The following ULK2 variants were observed in gnomAD, a reference collection of about 807,000 sequenced individuals.
ULK2 encodes unc-51 like autophagy activating kinase 2, also known as serine/threonine-protein kinase ULK2.
Under a neutral mutation model 127.5 loss-of-function variants are expected in ULK2, and 76 were observed. That is an observed-to-expected ratio of 0.60 (90% CI 0.50 to 0.72). The LOEUF is 0.72. Among genes scored for constraint, ULK2 ranks in the 30% least tolerant of loss-of-function variants. ULK2 has a pLI of 0.00. For missense variants in ULK2, 1,144 were observed against 1,295.9 expected (o/e 0.88, Z 1.80); for synonymous variants, 452 against 461.9 (o/e 0.98, Z 0.28).
At chr17:19,848,644 G>T (rs1441118826) in intron 5 of ULK2, among the ~76,000 whole-genome samples, 1 of 152,062 alleles carries the variant, frequency 6.6e-6, no homozygotes, top group African/African-American at 2.4e-5. Context: ...GTGTGTGGAG[G>T]TATGCACCTG....
At chr17:19,820,202 C>T (rs919104607) in intron 12 of ULK2, among the ~76,000 whole-genome samples, 2 of 152,094 alleles carry the variant, frequency 1.3e-5, no homozygotes, top group African/African-American at 4.8e-5. Flanking sequence ...GCGCGCCCCA[C>T]CACGCCCAGC....
intron 13 of ULK2, among the ~76,000 whole-genome samples, chr17:19,814,776 G>C (rs954372347): frequency 2.6e-5 from 4 of 151,920 alleles, no homozygotes; most frequent in Non-Finnish European, 5.9e-5. Context: ...AAATTTCTGG[G>C]TACAAGCAAT....
chr17:19,846,052 G>C (rs1286065690), intron 6 of ULK2, among the ~76,000 whole-genome samples: 1 of 152,196 alleles, frequency 6.6e-6, no homozygotes, highest in African/African-American at 2.4e-5. Flanking sequence ...CTTGAACCTG[G>C]GAGGCAGAGG....
chr17:19,835,615 G>A (rs562964383), intron 10 of ULK2, among the ~76,000 whole-genome samples: 21 of 151,116 alleles, frequency 1.4e-4, no homozygotes, highest in African/African-American at 4.9e-4. Flanking sequence ...TACTCGGGAG[G>A]CTGAGGCAGG....
At chr17:19,816,624 C>A in intron 13 of ULK2, 125 bp downstream of exon 13, 1 of 833,108 alleles carries the variant, frequency 1.2e-6, no homozygotes, top group Non-Finnish European at 1.7e-6. Flanking sequence ...AGAATTCAAA[C>A]AACTAAATAA....
intron 17 of ULK2, 61 bp downstream of exon 17, chr17:19,799,434 A>G (rs1466021431): frequency 2.6e-5 from 35 of 1,340,564 alleles, no homozygotes; most frequent in Non-Finnish European, 3.5e-5. Flanking sequence ...CTAGAAAAAC[A>G]CAACTCAAAT....
Position 19,777,566 on chromosome 17 carries a change from T to C in ULK2, c.3052+15A>G. On this transcript the variant is annotated intron_variant, in intron 26 of 26. Coordinates refer to ENST00000395544, the MANE Select transcript of ULK2 (RefSeq NM_014683.4). ...AATGAAGTAAAAAAATACACTACTT[T>C]GTAAGTCAACTTACATTTATGCACA... 1 of 1,594,168 alleles carries C rather than the reference T, an allele frequency of 6.3e-7. No individual in the cohort carries two copies. Among genetic ancestry groups the C allele is most frequent in the East Asian group, 2.2e-5 (1 of 44,690 alleles).
At chr17:19,810,354 A>G (rs747804358) in intron 14 of ULK2, 24 bp downstream of exon 14, 2 of 1,500,012 alleles carry the variant, frequency 1.3e-6, no homozygotes, top group Non-Finnish European at 1.8e-6. Context: ...ACAAATTTTA[A>G]TAAGATAATG....
At chr17:19,867,292 C>A in intron 1 of ULK2, 36 bp downstream of exon 1, 1 of 1,504,148 alleles carries the variant, frequency 6.6e-7, no homozygotes, top group Non-Finnish European at 8.9e-7. Context: ...CCGTGCCTGC[C>A]GCCCGGGGCC....
chr17:19,781,439 G>A (rs1334930522), intron 23 of ULK2, among the ~76,000 whole-genome samples: 2 of 151,624 alleles, frequency 1.3e-5, no homozygotes, highest in African/African-American at 4.8e-5. Context: ...GTAGAGACAG[G>A]GATTCATCAT....
Position 19,863,710 on chromosome 17 carries a change from A to G in ULK2, c.225+1093T>C. 1.3e-5 allele frequency among the ~76,000 whole-genome samples: 2 copies of G among 152,006 alleles called. 1 individual carries two copies. Among genetic ancestry groups the G allele is most frequent in the Non-Finnish European group, 2.9e-5 (2 of 67,996 alleles). On this transcript the variant is annotated intron_variant, in intron 3 of 26. Coordinates refer to ENST00000395544, the MANE Select transcript of ULK2 (RefSeq NM_014683.4). The stretch of plus-strand genomic sequence containing the variant: ...TTTTTAACATAATATGGCCCTAAAT[A>G]TAAGCCAGCTACTTCATCTGGTGCT...
At chr17:19,828,194 A>C (rs907030090) in intron 10 of ULK2, among the ~76,000 whole-genome samples, 4 of 152,212 alleles carry the variant, frequency 2.6e-5, no homozygotes, top group Non-Finnish European at 5.9e-5. Context: ...AGAAATTAAG[A>C]TATCCCCAGA....
Position 19,795,627 on chromosome 17 carries a change from T to A in ULK2, c.2096A>T (p.Asp699Val). The change falls in exon 20 of 27, where the codon GAT becomes GTT. Residue 699 changes from aspartate (D) to valine (V), a missense_variant. Coordinates refer to ENST00000395544, the MANE Select transcript of ULK2 (RefSeq NM_014683.4). Reference protein sequence around the residue: ...TDSLNTERPMDIAPAGACGGV... With the variant: ...TDSLNTERPMVIAPAGACGGV... Reference sequence around the variant, plus strand: ...AGAAACTACATTTTTCTTACCTATATCCATTGGTCGTTCTGTATTTAAACT... The same window carrying A: ...AGAAACTACATTTTTCTTACCTATAACCATTGGTCGTTCTGTATTTAAACT... 6.2e-7 allele frequency: 1 copy of A among 1,613,466 alleles called. No individual in the cohort carries two copies. The highest frequency in any genetic ancestry group is 8.5e-7 in the Non-Finnish European group (1 of 1,179,398).
At chr17:19,854,601 A>G (rs1014701719) in intron 3 of ULK2, among the ~76,000 whole-genome samples, 4 of 152,140 alleles carry the variant, frequency 2.6e-5, no homozygotes, top group Admixed American at 6.6e-5. Flanking sequence ...CTGGAAAATA[A>G]GTTGAGTCCC....
At chr17:19,816,977 A>T in intron 12 of ULK2, 57 bp from the exon 13 acceptor site, 1 of 1,517,126 alleles carries the variant, frequency 6.6e-7, no homozygotes, top group Non-Finnish European at 8.8e-7. Flanking sequence ...AAGTCAGAAT[A>T]GTGACTAGAC....
intron 3 of ULK2, among the ~76,000 whole-genome samples, chr17:19,857,562 C>T (rs1409919421): frequency 1.3e-5 from 2 of 152,130 alleles, no homozygotes; most frequent in Non-Finnish European, 2.9e-5. Flanking sequence ...TGAGCACCAC[C>T]TATTAAATTA....
chr17:19,783,752 A>T lies in ULK2; in HGVS notation c.2405T>A (p.Leu802Gln). ...GGCTTCAAAGGTGATGAGCCCCTCT[A>T]GGCTGGGGGGTGAAGCACCGTAAGG... is the stretch of plus-strand genomic sequence containing the variant. Reference protein sequence around the residue: ...YVPYGASPPSLEGLITFEAPE... With the variant: ...YVPYGASPPSQEGLITFEAPE... The change falls in exon 22 of 27, where the codon CTA becomes CAA. Residue 802 changes from leucine (L) to glutamine (Q), a missense_variant. Leu to Gln is a moderately radical substitution (Grantham distance 113). Coordinates refer to ENST00000395544, the MANE Select transcript of ULK2 (RefSeq NM_014683.4). 1 of 1,600,074 alleles carries T rather than the reference A, an allele frequency of 6.2e-7. No homozygotes were observed.
intron 13 of ULK2, among the ~76,000 whole-genome samples, chr17:19,811,408 C>T (rs968643360): frequency 2.0e-5 from 3 of 151,088 alleles, no homozygotes; most frequent in African/African-American, 7.3e-5. Flanking sequence ...AGCTTAATCA[C>T]GAGAGGGAAA....
chr17:19,841,869 G>GGTACCTTTTCTGAA (rs530234328), intron 8 of ULK2, among the ~76,000 whole-genome samples: 1 of 151,964 alleles, frequency 6.6e-6, no homozygotes, highest in Non-Finnish European at 1.5e-5. Flanking sequence ...CCTTTTCTGA[G>GGTACCTTTTCTGAA]GTACCTTTTC....
Sources: allele counts gnomAD v4.1 joint callset (sites outside exome capture counted in the v4.1 genomes callset), GRCh38; gene constraint gnomAD v4.1.1; transcripts MANE v1.5; gene names NCBI Gene and HGNC (gene_info 2026-07-23, HGNC 2026-07-21).